ASIC2: variants seen among roughly 807,000 people sequenced by gnomAD.
The protein encoded by ASIC2 is acid-sensing ion channel 2.
ASIC2 carries 25 observed loss-of-function variants against 57.3 expected under a neutral mutation model. That is an observed-to-expected ratio of 0.44 (90% CI 0.32 to 0.61). The LOEUF (loss-of-function observed/expected upper bound fraction) is 0.61, where lower values mean the gene tolerates loss of function less well. ASIC2 is among the 20% of genes least tolerant of loss of function. The pLI is 0.06. For synonymous variants in ASIC2, 319 were observed against 307.5 expected (o/e 1.04, Z -0.39); for missense variants, 641 against 738.1 (o/e 0.87, Z 1.52).
chr17:33,308,884 C>T (rs1359587298), intron 1 of ASIC2, among the ~76,000 whole-genome samples: 3 of 152,124 alleles, frequency 2.0e-5, no homozygotes, highest in Non-Finnish European at 2.9e-5. Flanking sequence ...TCAATGATAA[C>T]TATCGATCTC....
In ASIC2 at chr17:34,039,316, G is replaced by A. The variant is rs186233097; in HGVS notation, c.555+116662C>T. 1.7e-5 allele frequency: 27 copies of A among 1,613,950 alleles called. No individual in the cohort carries two copies. The East Asian group carries it at 3.1e-4, about 19-fold the overall frequency. ...GGAATGCTCTGTGTTGCCAGATCCC[G>A]TAGATGAGGGACTGTTTTGCTGAGC... is the stretch of plus-strand genomic sequence containing the variant. On this transcript the variant is annotated intron_variant, in intron 1 of 9. Transcript: ENST00000359872.
At chr17:33,464,473 TTCTTTTCTCTC>T (rs1912749222) in intron 1 of ASIC2, among the ~76,000 whole-genome samples, 4 of 86,612 alleles carry the variant, frequency 4.6e-5, no homozygotes, top group African/African-American at 2.3e-4. Flanking sequence ...CTTTCTTTCT[TTCTTTTCTCTC>T]TTTCTTTCTT....
chr17:33,855,360 C>T (rs1913894553), intron 1 of ASIC2, among the ~76,000 whole-genome samples: 1 of 152,136 alleles, frequency 6.6e-6, no homozygotes, highest in Non-Finnish European at 1.5e-5. Context: ...CTTGGTTCTG[C>T]CACTGAATAG....
intron 3 of ASIC2, among the ~76,000 whole-genome samples, chr17:33,062,359 G>T (rs2092024419): frequency 1.3e-5 from 2 of 152,154 alleles, no homozygotes. Context: ...CTGGTATGTT[G>T]TGTCTTTGTT....
intron 1 of ASIC2, among the ~76,000 whole-genome samples, chr17:33,119,721 A>G (rs2092294122): frequency 6.6e-6 from 1 of 152,212 alleles, no homozygotes; most frequent in Non-Finnish European, 1.5e-5. Context: ...TTTTCTCACA[A>G]TGAGTTTAAA....
chr17:33,762,422 AG>A (rs1471449164), intron 1 of ASIC2, among the ~76,000 whole-genome samples: 4 of 152,170 alleles, frequency 2.6e-5, no homozygotes, highest in Non-Finnish European at 5.9e-5. Flanking sequence ...TGTGGTGTGC[AG>A]CAACTCACTT....
In ASIC2 at chr17:33,024,711, C is replaced by G. The variant is rs180844956; in HGVS notation, c.1196-697G>C. 1.9e-3 allele frequency among the ~76,000 whole-genome samples: 286 copies of G among 152,300 alleles called. 11 individuals carry two copies. The South Asian group carries it at 0.054, about 29-fold the overall frequency. Reference sequence around the variant, plus strand: ...GTTTTAGCAAGAATCCTGCTAAAGTCAGTTTAGAGAGAATCCCCCACCCTT... The same window carrying G: ...GTTTTAGCAAGAATCCTGCTAAAGTGAGTTTAGAGAGAATCCCCCACCCTT... On this transcript the variant is annotated intron_variant, in intron 5 of 9. Coordinates refer to ENST00000225823, the MANE Select transcript of ASIC2 (RefSeq NM_183377.2).
At chr17:33,606,594 GCTT>G (rs1597805355) in intron 1 of ASIC2, among the ~76,000 whole-genome samples, 2 of 152,132 alleles carry the variant, frequency 1.3e-5, no homozygotes, top group South Asian at 4.2e-4. Flanking sequence ...TGTGGTCTGT[GCTT>G]CTTCTCCAAC....
intron 1 of ASIC2, among the ~76,000 whole-genome samples, chr17:33,375,396 G>C (rs1218198247): frequency 1.3e-4 from 19 of 151,930 alleles, no homozygotes; most frequent in Admixed American, 1.2e-3. Context: ...CAGAGAGCGA[G>C]GGGGAGAGTG....
chr17:34,126,881 C>T lies in ASIC2; in HGVS notation c.555+29097G>A, dbSNP rs143541282. 2.1e-3 allele frequency among the ~76,000 whole-genome samples: 324 copies of T among 152,280 alleles called. 2 individuals carry two copies. Among genetic ancestry groups the T allele is most frequent in the African/African-American group, 7.5e-3 (310 of 41,574 alleles). On this transcript the variant is annotated intron_variant, in intron 1 of 9. Coordinates refer to the ASIC2 transcript ENST00000359872. The stretch of plus-strand genomic sequence containing the variant: ...CCAGGTGATGCTGATGCTGCTAGTG[C>T]GTGAACCATGTGCTGAGTAGCCCGG...
intron 1 of ASIC2, among the ~76,000 whole-genome samples, chr17:33,696,766 A>C (rs560130678): frequency 6.6e-6 from 1 of 152,210 alleles, no homozygotes; most frequent in Non-Finnish European, 1.5e-5. Flanking sequence ...TGTTACATGT[A>C]TTGTATACTG....
chr17:33,158,475 T>C (rs1905073242), intron 1 of ASIC2, among the ~76,000 whole-genome samples: 1 of 152,214 alleles, frequency 6.6e-6, no homozygotes, highest in African/African-American at 2.4e-5. Flanking sequence ...GAGTATTAAC[T>C]GCTGGGCCCT....
chr17:34,115,264 G>A (rs749370077), intron 1 of ASIC2, among the ~76,000 whole-genome samples: 4 of 152,192 alleles, frequency 2.6e-5, no homozygotes, highest in Non-Finnish European at 5.9e-5. Flanking sequence ...AAGTGTTTTG[G>A]ATGGTACAAA....
At chr17:33,630,616 G>T (rs1044311338) in intron 1 of ASIC2, among the ~76,000 whole-genome samples, 1 of 152,166 alleles carries the variant, frequency 6.6e-6, no homozygotes, top group Admixed American at 6.5e-5. Flanking sequence ...CCAAATCCTA[G>T]CTCTGACACT....
intron 1 of ASIC2, among the ~76,000 whole-genome samples, chr17:33,496,044 C>T (rs8066693): frequency 0.05 from 7,537 of 152,244 alleles, 326 homozygotes; most frequent in African/African-American, 0.12. Context: ...CAGTCTTTCC[C>T]TACAAGCATT....
At chr17:33,441,102 G>A (rs1234248195) in intron 1 of ASIC2, among the ~76,000 whole-genome samples, 1 of 151,946 alleles carries the variant, frequency 6.6e-6, no homozygotes, top group Non-Finnish European at 1.5e-5. Context: ...CCAAGTAGCT[G>A]GGACTACAAC....
At chr17:33,749,282 C>T (rs778622487) in intron 1 of ASIC2, among the ~76,000 whole-genome samples, 2 of 151,998 alleles carry the variant, frequency 1.3e-5, no homozygotes, top group Non-Finnish European at 2.9e-5. Flanking sequence ...TCTCCTTCTC[C>T]AGCTGCTCCC....
intron 1 of ASIC2, among the ~76,000 whole-genome samples, chr17:33,822,980 A>T (rs1912792534): frequency 6.6e-6 from 1 of 152,198 alleles, no homozygotes; most frequent in Non-Finnish European, 1.5e-5. Flanking sequence ...ATTTTTAATG[A>T]TCACCTCAGT....
intron 1 of ASIC2, among the ~76,000 whole-genome samples, chr17:33,460,443 A>C (rs1912598222): frequency 6.6e-6 from 1 of 152,162 alleles, no homozygotes; most frequent in Non-Finnish European, 1.5e-5. Context: ...CTGGCACACA[A>C]AGGAGGCCAG....
Sources: allele counts gnomAD v4.1 joint callset (sites outside exome capture counted in the v4.1 genomes callset), GRCh38; gene constraint gnomAD v4.1.1; transcripts MANE v1.5; gene names NCBI Gene and HGNC (gene_info 2026-07-23, HGNC 2026-07-21).